Variants in LARP1 observed in about 807,000 individuals in gnomAD.
LARP1 encodes the protein La ribonucleoprotein 1, translational regulator.
Under a neutral mutation model 122.7 loss-of-function variants are expected in LARP1, and 36 were observed. The observed-to-expected ratio is 0.29, with a 90% CI of 0.22 to 0.39. LARP1 has a LOEUF of 0.39. Ranked by LOEUF, LARP1 falls within the 10% of genes least tolerant of loss-of-function variation. LARP1 has a pLI of 1.00. For missense variants in LARP1, 1,040 were observed against 1,403.6 expected, an observed-to-expected ratio of 0.74 and a Z score of 4.14; for synonymous variants, 539 against 528.7, an observed-to-expected ratio of 1.02 and a Z score of -0.27.
chr5:154,796,459 T>C (rs892132458), intron 8 of LARP1, among the ~76,000 whole-genome samples: 3 of 152,054 alleles, frequency 2.0e-5, no homozygotes, highest in African/African-American at 4.8e-5. Flanking sequence ...GTACATCCTG[T>C]AGGATTTTCC....
intron 1 of LARP1, among the ~76,000 whole-genome samples, chr5:154,760,686 T>C (rs1754379695): frequency 6.6e-6 from 1 of 152,240 alleles, no homozygotes; most frequent in African/African-American, 2.4e-5. Context: ...GAAATGGGGC[T>C]ACAGGAACAG....
intron 1 of LARP1, among the ~76,000 whole-genome samples, chr5:154,722,965 G>A (rs1755973792): frequency 6.6e-6 from 1 of 152,168 alleles, no homozygotes; most frequent in Non-Finnish European, 1.5e-5. Flanking sequence ...ACAGGCGTGA[G>A]CCAGCACACC....
intron 1 of LARP1, among the ~76,000 whole-genome samples, chr5:154,699,633 A>G (rs1432585361): frequency 6.6e-6 from 1 of 152,228 alleles, no homozygotes; most frequent in East Asian, 1.9e-4. Flanking sequence ...ACATTATCTC[A>G]GGCATAAAAA....
At chr5:154,805,727 T>G in intron 14 of LARP1, 154 bp from the exon 15 acceptor site, 1 of 725,704 alleles carries the variant, frequency 1.4e-6, no homozygotes, top group Non-Finnish European at 2.3e-6. Context: ...ATCAGACCCA[T>G]GGATATAAGT....
At chr5:154,800,461 A>G (rs1758258355) in intron 10 of LARP1, among the ~76,000 whole-genome samples, 3 of 152,086 alleles carry the variant, frequency 2.0e-5, no homozygotes, top group Admixed American at 1.3e-4. Context: ...AGGGAGAGGG[A>G]GCAGATGCAT....
intron 1 of LARP1, among the ~76,000 whole-genome samples, chr5:154,731,443 C>T (rs1463876701): frequency 6.6e-6 from 1 of 152,160 alleles, no homozygotes; most frequent in Non-Finnish European, 1.5e-5. Flanking sequence ...CAGCCAATGC[C>T]TTCCTCTATT....
In LARP1 at chr5:154,803,224, T is replaced by C. The variant is rs552003266; in HGVS notation, c.2110-66T>C. ...TCTCCAACTTCCTGCCAGTCTTGAT[T>C]CCTTAAACAGGCTAGAGCAGCCTGC... On this transcript the variant is annotated intron_variant, in intron 11 of 18. Coordinates refer to ENST00000518297, the MANE Select transcript of LARP1 (RefSeq NM_033551.3). This position sits in a 1 kb window ranked among gnomAD's most constrained non-coding sequence, Gnocchi z 4.4. The C allele has an allele frequency of 1.3e-4, 207 of 1,601,198 alleles. 1 individual carries two copies. The highest frequency in any genetic ancestry group is 1.7e-4 in the Non-Finnish European group (198 of 1,169,466).
chr5:154,783,005 A>T (rs569562244), intron 1 of LARP1, among the ~76,000 whole-genome samples: 2 of 152,194 alleles, frequency 1.3e-5, no homozygotes, highest in South Asian at 4.1e-4. Context: ...CTTTTCAGTT[A>T]ATCTGTCCCC....
chr5:154,702,233 C>T (rs1754753099), intron 1 of LARP1, among the ~76,000 whole-genome samples: 1 of 152,142 alleles, frequency 6.6e-6, no homozygotes, highest in Non-Finnish European at 1.5e-5. Flanking sequence ...TAGTGGAGCC[C>T]AGCACCTATC....
chr5:154,799,132 G>T lies in LARP1; in HGVS notation c.1378-459G>T, dbSNP rs111372709. Among the ~76,000 whole-genome samples the T allele has an allele frequency of 1.0e-3, 153 of 152,346 alleles. 1 individual carries two copies. Among genetic ancestry groups the T allele is most frequent in the African/African-American group, 3.6e-3 (149 of 41,584 alleles). ...CTGCCTGGGGCTCCCAAAGTGCTAG[G>T]ATTATAGACGTGAGCCACCAGGCCC... is the stretch of plus-strand genomic sequence containing the variant. On this transcript the variant is annotated intron_variant, in intron 8 of 18. Coordinates refer to ENST00000518297, the MANE Select transcript of LARP1 (RefSeq NM_033551.3).
intron 1 of LARP1, among the ~76,000 whole-genome samples, chr5:154,767,464 C>G (rs1184727835): frequency 1.3e-5 from 2 of 152,100 alleles, no homozygotes; most frequent in African/African-American, 4.8e-5. Context: ...GGAAGGTAGC[C>G]TACGTGAACT....
chr5:154,755,174 G>A (rs1753733229), upstream of LARP1, among the ~76,000 whole-genome samples: 1 of 151,088 alleles, frequency 6.6e-6, no homozygotes, highest in Non-Finnish European at 1.5e-5. Flanking sequence ...CGGAGACGAG[G>A]GGCGGGGCGA....
rs571844651 is a variant in LARP1, at chr5:154,695,440, C to T, written c.-180+12403C>T. ...TTGGGAGGCCGAGGCGGGCAGATCA[C>T]GAGGTCAGGAGCTCGAGACCAGCCT... On this transcript the variant is annotated intron_variant, in intron 1 of 18. Coordinates refer to the LARP1 transcript ENST00000687700. Among the ~76,000 whole-genome samples the T allele has an allele frequency of 3.9e-5, 6 of 152,210 alleles. No individual in the cohort carries two copies. In the East Asian group the frequency reaches 5.8e-4, roughly 15 times the overall value.
chr5:154,797,537 C>G (rs1757983306), intron 8 of LARP1, among the ~76,000 whole-genome samples: 1 of 151,908 alleles, frequency 6.6e-6, no homozygotes, highest in Non-Finnish European at 1.5e-5. Flanking sequence ...CCGGCCTGTT[C>G]TGGTATTTTC....
At chr5:154,764,183 C>T (rs1365079703) in intron 1 of LARP1, among the ~76,000 whole-genome samples, 2 of 151,744 alleles carry the variant, frequency 1.3e-5, no homozygotes. Context: ...GTGGCATGCG[C>T]CTGTAATCCC....
At chr5:154,701,950 G>A (rs1754742489) in intron 1 of LARP1, among the ~76,000 whole-genome samples, 1 of 152,104 alleles carries the variant, frequency 6.6e-6, no homozygotes, top group Non-Finnish European at 1.5e-5. Context: ...TAGTAGCTGA[G>A]AAGTTAGGAT....
chr5:154,692,179 A>G (rs888627876), intron 1 of LARP1, among the ~76,000 whole-genome samples: 1 of 152,206 alleles, frequency 6.6e-6, no homozygotes, highest in African/African-American at 2.4e-5. Flanking sequence ...GAGAAGGCCT[A>G]TCTCCATCTG....
At chr5:154,773,786 A>C (rs989508770) in intron 1 of LARP1, among the ~76,000 whole-genome samples, 1 of 152,038 alleles carries the variant, frequency 6.6e-6, no homozygotes, top group Non-Finnish European at 1.5e-5. Flanking sequence ...TCTACAGCCT[A>C]CCCCGCTGAT....
chr5:154,732,282 A>G (rs1268594629), intron 1 of LARP1, among the ~76,000 whole-genome samples: 6 of 152,124 alleles, frequency 3.9e-5, no homozygotes, highest in Non-Finnish European at 8.8e-5. Context: ...GATGGAGATT[A>G]AGGAAAAAGC....
Sources: allele counts gnomAD v4.1 joint callset (sites outside exome capture counted in the v4.1 genomes callset), GRCh38; gene constraint gnomAD v4.1.1; non-coding constraint Gnocchi (gnomAD v3.1); transcripts MANE v1.5; gene names NCBI Gene and HGNC (gene_info 2026-07-23, HGNC 2026-07-21).